CCDC127: variants seen among roughly 807,000 people sequenced by gnomAD.
The protein encoded by CCDC127 is coiled-coil domain containing 127.
Under a neutral mutation model 4.1 loss-of-function variants are expected in CCDC127, and 2 were observed. The ratio of observed to expected loss-of-function variants is 0.49; its 90% CI spans 0.20 to 1.53. The LOEUF is 1.53. Among genes scored for constraint, CCDC127 ranks in the 40% most tolerant of loss-of-function variants. The pLI, the probability that CCDC127 is intolerant of heterozygous loss-of-function variation, is 0.23. For synonymous variants in CCDC127, 98 were observed against 120.4 expected, an observed-to-expected ratio of 0.81 and a Z score of 1.22; for missense variants, 271 against 322.9, an observed-to-expected ratio of 0.84 and a Z score of 1.23.
chr5:214,357 T>C (rs1449011651), intron 2 of CCDC127: 2 of 152,176 alleles, frequency 1.3e-5, no homozygotes, highest in Admixed American at 6.5e-5. Flanking sequence ...CAACTGCATG[T>C]GATTTACATG....
At chr5:214,784 C>T (rs556936321) in intron 2 of CCDC127, 3 of 152,328 alleles carry the variant, frequency 2.0e-5, no homozygotes, top group African/African-American at 7.2e-5. Flanking sequence ...AACCCCAGCA[C>T]TTTGGGAGGC....
Position 204,416 on chromosome 5 carries a change from T to TG in CCDC127, c.*880dup, listed in dbSNP as rs1244527285. ...CAATTCCCAGTAGCTATGTGTGACA[T>TG]GGGGTGATAAGTGCCTGTCTACCTT... On this transcript the variant is annotated 3_prime_UTR_variant, in exon 3 of 3. Coordinates refer to ENST00000296824, the MANE Select transcript of CCDC127 (RefSeq NM_145265.3). 6.6e-6 allele frequency: 1 copy of TG among 152,242 alleles called. No homozygotes were observed. Among genetic ancestry groups the TG allele is most frequent in the Non-Finnish European group, 1.5e-5 (1 of 68,040 alleles). 9.4% of individuals were successfully genotyped at this position (152,242 alleles called of 1,614,324 possible). A position where few individuals can be genotyped will look rare whatever the true frequency, so the allele number is the denominator to read the frequency against.
intron 2 of CCDC127, among the ~76,000 whole-genome samples, chr5:211,320 G>A (rs1326302533): frequency 1.7e-5 from 1 of 58,914 alleles, no homozygotes; most frequent in Non-Finnish European, 3.5e-5. Context: ...CAGCCACGAC[G>A]AGACAGCACC....
In CCDC127 at chr5:200,751, TAG is replaced by T. The variant is rs1414414465; in HGVS notation, c.*4544_*4545del. ...AGCAACTGTTTCGTCAAACCCAGCA[TAG>T]AAAGAGGAGCCTTTTCAGCCTCAAC... On this transcript the variant is annotated 3_prime_UTR_variant, in exon 3 of 3. Transcript: ENST00000296824. 6.6e-6 allele frequency: 1 copy of T among 152,274 alleles called. No homozygotes were observed. The highest frequency in any genetic ancestry group is 1.5e-5 in the Non-Finnish European group (1 of 68,076). 9.4% of individuals were successfully genotyped at this position (152,274 alleles called of 1,614,324 possible).
At chr5:210,632 T>C in intron 2 of CCDC127, among the ~76,000 whole-genome samples, 1 of 151,348 alleles carries the variant, frequency 6.6e-6, no homozygotes. Flanking sequence ...CCCATCAGGA[T>C]GGGGCAGACG....
In CCDC127 at chr5:202,662, A is replaced by C. The variant is rs938435334; in HGVS notation, c.*2635T>G. ...CCACACCAGCTTGAAGGCTCTGAAC[A>C]TATCTATCTCACTATAGAAGGAAGC... On this transcript the variant is annotated 3_prime_UTR_variant, in exon 3 of 3. Coordinates refer to ENST00000296824, the MANE Select transcript of CCDC127 (RefSeq NM_145265.3). 2.4e-4 allele frequency: 37 copies of C among 152,410 alleles called. No homozygotes were observed. The highest frequency in any genetic ancestry group is 3.9e-4 in the East Asian group (2 of 5,194). The allele number at this position is 152,410 out of a possible 1,614,324, so 9.4% of individuals were successfully genotyped here. A position where few individuals can be genotyped will look rare whatever the true frequency, so the allele number is the denominator to read the frequency against.
chr5:212,477 C>T (rs1734299643), intron 2 of CCDC127, among the ~76,000 whole-genome samples: 1 of 21,826 alleles, frequency 4.6e-5, no homozygotes, highest in Non-Finnish European at 1.0e-4. Flanking sequence ...ACACTGCAGC[C>T]ACGATGAGAC....
In CCDC127 at chr5:199,919, G is replaced by C. The variant is rs530301343; in HGVS notation, c.*5378C>G. 1.3e-5 allele frequency: 2 copies of C among 152,438 alleles called. No homozygotes were observed. Among genetic ancestry groups the C allele is most frequent in the East Asian group, 3.9e-4 (2 of 5,178 alleles). The allele number at this position is 152,438 out of a possible 1,614,324, so 9.4% of individuals were successfully genotyped here. On this transcript the variant is annotated 3_prime_UTR_variant, in exon 3 of 3. Transcript: ENST00000296824. ...GGCCCTGCACCTGCTCCTGGAGCAGGACTTGACTCCTCTACCTGGACCAGG... is the reference window on the plus strand; with the variant it reads ...GGCCCTGCACCTGCTCCTGGAGCAGCACTTGACTCCTCTACCTGGACCAGG...
In CCDC127 at chr5:197,047, G is replaced by C. The variant is rs559288024; in HGVS notation, c.*8250C>G. 2.6e-5 allele frequency: 4 copies of C among 151,520 alleles called. No individual in the cohort carries two copies. Among genetic ancestry groups the C allele is most frequent in the Admixed American group, 1.3e-4 (2 of 15,218 alleles). The allele number at this position is 151,520 out of a possible 1,614,324, so 9.4% of individuals were successfully genotyped here. On this transcript the variant is annotated 3_prime_UTR_variant, in exon 3 of 3. Coordinates refer to ENST00000296824, the MANE Select transcript of CCDC127 (RefSeq NM_145265.3). ...GGTCAGCAAAAACGTGTGAGCAAAAGAATCTATGTCGTAATTAAGTTCAAG... is the reference window on the plus strand; with the variant it reads ...GGTCAGCAAAAACGTGTGAGCAAAACAATCTATGTCGTAATTAAGTTCAAG...
At chr5:207,320 G>A (rs1461259687) in intron 2 of CCDC127, among the ~76,000 whole-genome samples, 3 of 152,236 alleles carry the variant, frequency 2.0e-5, no homozygotes, top group East Asian at 1.9e-4. Context: ...TCAAACTCAC[G>A]TCACCTTTAT....
Position 204,512 on chromosome 5 carries a change from G to C in CCDC127, c.*785C>G, listed in dbSNP as rs1734130043. The C allele has an allele frequency of 6.8e-6, 1 of 147,176 alleles. No homozygotes were observed. The highest frequency in any genetic ancestry group is 1.5e-5 in the Non-Finnish European group (1 of 68,034). The allele number at this position is 147,176 out of a possible 1,614,324, so 9.1% of individuals were successfully genotyped here. A position where few individuals can be genotyped will look rare whatever the true frequency, so the allele number is the denominator to read the frequency against. On this transcript the variant is annotated 3_prime_UTR_variant, in exon 3 of 3. Coordinates refer to ENST00000296824, the MANE Select transcript of CCDC127 (RefSeq NM_145265.3). The stretch of plus-strand genomic sequence containing the variant: ...TAAAGAGTGAAGAATTACACAAAAA[G>C]TGGCATTATTACTCATAAATGGCAA...
At position 205,915 on chromosome 5, in the gene CCDC127, C is replaced by T; in HGVS notation, c.165G>A (p.Glu55=). Residue 55 remains glutamate (E), a synonymous_variant, in exon 3 of 3, where the codon GAG becomes GAA. Transcript: ENST00000296824. ...SRESQKEVEK[E]REAYRRRTAA... is the part of the protein sequence containing the mutation. ...CAGTTCTCCGACGGTAGGCTTCTCT[C>T]TCTTTTTCTACTTCTTTCTGGGACT... is the stretch of plus-strand genomic sequence containing the variant. The T allele has an allele frequency of 2.5e-6, 4 of 1,613,904 alleles. No individual in the cohort carries two copies. The highest frequency in any genetic ancestry group is 3.4e-6 in the Non-Finnish European group (4 of 1,179,866).
chr5:207,685 G>T (rs748548780), intron 2 of CCDC127, among the ~76,000 whole-genome samples: 8 of 152,154 alleles, frequency 5.3e-5, no homozygotes, highest in Non-Finnish European at 1.2e-4. Context: ...AATGAGAGGG[G>T]CCCCCAGGAG....
At chr5:217,166 A>C (rs1254594071) in intron 1 of CCDC127, 9 of 224,844 alleles carry the variant, frequency 4.0e-5, no homozygotes, top group South Asian at 2.7e-4. Context: ...GAAAAAAAAA[A>C]CAAGAACTTA....
rs761520517 is a variant in CCDC127 at position 205,495 on chromosome 5, G to A, written c.585C>T (p.Ser195=). 12 of 1,613,896 alleles carry A rather than the reference G, an allele frequency of 7.4e-6. No homozygotes were observed. The highest frequency in any genetic ancestry group is 4.0e-5 in the African/African-American group (3 of 75,052). The part of the protein sequence containing the change: ...EIEKSLLVRA[S]VDPVAADLEM... ...CTAGGTCAGCGGCGACGGGGTCGAC[G>A]GACGCTCGCACCAGTAAGCTCTTCT... is the stretch of plus-strand genomic sequence containing the variant. The change falls in exon 3 of 3, where the codon TCC becomes TCT. Residue 195 remains serine, a synonymous_variant. Transcript: ENST00000296824.
At chr5:206,110 G>GT (rs1734167196) in intron 2 of CCDC127, 152 bp from the exon 3 acceptor site, 1 of 730,614 alleles carries the variant, frequency 1.4e-6, no homozygotes, top group Non-Finnish European at 2.2e-6. Flanking sequence ...GTGAAAATGT[G>GT]TAACAGGCCA....
At position 205,619 on chromosome 5, in the gene CCDC127, C is replaced by G. The variant is rs772697606; in HGVS notation, c.461G>C (p.Arg154Thr). Residue 154 changes from arginine (R) to threonine (T), a missense_variant, in exon 3 of 3, where the codon AGA (arginine) becomes ACA (threonine). Arg to Thr is a moderately conservative substitution (Grantham distance 71). Transcript: ENST00000296824. The stretch of plus-strand genomic sequence containing the variant: ...AAATTCTTTCAGCAAAAGCCTGGCT[C>G]TCCTTTGCCAGTTTTCTTCCCTTTG... ...CLQREENWQR[R>T]ARLLLKEFEA... 6.2e-7 allele frequency: 1 copy of G among 1,614,236 alleles called. No individual in the cohort carries two copies. Among genetic ancestry groups the G allele is most frequent in the Non-Finnish European group, 8.5e-7 (1 of 1,180,048 alleles).
chr5:210,045 C>G (rs1274946649), intron 2 of CCDC127, among the ~76,000 whole-genome samples: 1 of 152,230 alleles, frequency 6.6e-6, no homozygotes, highest in South Asian at 2.1e-4. Flanking sequence ...GACCGTCCAA[C>G]AGAGTCCCAG....
chr5:200,986 G>GCA lies in CCDC127; in HGVS notation c.*4310_*4311insTG, dbSNP rs869131317. On this transcript the variant is annotated 3_prime_UTR_variant, in exon 3 of 3. Transcript: ENST00000296824. ...GCAGGCTGCCCCCATCACAGCCAGC[G>GCA]TCTACACAGCAGGCTGCCCCCATCA... 6 of 113,660 alleles carry GCA rather than the reference G, an allele frequency of 5.3e-5. No individual in the cohort carries two copies. Among genetic ancestry groups the GCA allele is most frequent in the African/African-American group, 3.2e-4 (6 of 18,584 alleles). 7.0% of individuals were successfully genotyped at this position (113,660 alleles called of 1,614,324 possible).
Sources: gnomAD v4.1 joint callset for allele counts (sites outside exome capture counted in the v4.1 genomes callset) on GRCh38, gnomAD v4.1.1 for gene constraint, MANE v1.5 for transcripts, NCBI Gene and HGNC (gene_info 2026-07-23, HGNC 2026-07-21) for gene names.